Variants in CCDC149 observed in about 807,000 individuals in gnomAD.
CCDC149 encodes the protein coiled-coil domain containing 149, also known as coiled-coil domain-containing protein 149.
A neutral mutation model predicts 59.9 loss-of-function variants in CCDC149; 45 were observed. The observed-to-expected ratio is 0.75, with a 90% confidence interval of 0.59 to 0.96. The LOEUF (loss-of-function observed/expected upper bound fraction) is 0.96. CCDC149 is among the 40% of genes least tolerant of loss of function. The pLI, the probability that CCDC149 is intolerant of heterozygous loss-of-function variation, is 0.00. For synonymous variants in CCDC149, 245 were observed against 260.6 expected (o/e 0.94, Z 0.58); for missense variants, 584 against 664.7 (o/e 0.88, Z 1.33).
downstream of CCDC149, among the ~76,000 whole-genome samples, chr4:24,804,530 C>T (rs1250717420): frequency 6.6e-6 from 1 of 150,748 alleles, no homozygotes; most frequent in Non-Finnish European, 1.5e-5. Context: ...ACCAAGTCAT[C>T]CACAAGGCTG....
chr4:24,873,901 G>C (rs1181993052), intron 2 of CCDC149, among the ~76,000 whole-genome samples, 182 bp from the exon 3 acceptor site: 1 of 146,346 alleles, frequency 6.8e-6, no homozygotes, highest in African/African-American at 2.5e-5. Flanking sequence ...CTGAACCAGA[G>C]TTATTTTGGA....
rs145590128 is a variant in CCDC149, at chr4:24,842,543, G to A, written c.373-4271C>T. 4.1e-4 allele frequency among the ~76,000 whole-genome samples: 63 copies of A among 152,290 alleles called. No homozygotes were observed. The East Asian group carries it at 6.8e-3, about 16-fold the overall frequency. ...GATCAGTGCCTTGCACAGCACCCGC[G>A]CCGCCACCAATAGACGCATTCAGTT... is the stretch of plus-strand genomic sequence containing the variant. On this transcript the variant is annotated intron_variant, in intron 4 of 12. Coordinates refer to ENST00000635206, the MANE Select transcript of CCDC149 (RefSeq NM_001330643.2).
chr4:24,890,960 G>A (rs550098405), intron 1 of CCDC149, among the ~76,000 whole-genome samples: 8 of 152,326 alleles, frequency 5.3e-5, no homozygotes, highest in Non-Finnish European at 1.0e-4. Context: ...CAGAGTCATC[G>A]CTAAAGGGCC....
At chr4:24,962,841 A>C (rs1723678022) in intron 1 of CCDC149, among the ~76,000 whole-genome samples, 1 of 152,016 alleles carries the variant, frequency 6.6e-6, no homozygotes. Flanking sequence ...TATGCAACAA[A>C]CCTGCATGTT....
At chr4:24,811,192 G>A (rs1371220688) in intron 12 of CCDC149, among the ~76,000 whole-genome samples, 1 of 152,148 alleles carries the variant, frequency 6.6e-6, no homozygotes, top group East Asian at 1.9e-4. Flanking sequence ...AACATGTGCT[G>A]TATTCCTATT....
intron 12 of CCDC149, among the ~76,000 whole-genome samples, chr4:24,816,750 C>A (rs533182046): frequency 6.6e-6 from 1 of 152,040 alleles, no homozygotes; most frequent in Non-Finnish European, 1.5e-5. Flanking sequence ...CGGCTACAAA[C>A]GCATTATGAC....
chr4:24,948,925 A>G (rs574446595), intron 1 of CCDC149, among the ~76,000 whole-genome samples: 3 of 152,318 alleles, frequency 2.0e-5, no homozygotes, highest in East Asian at 1.9e-4. Context: ...GCCATCCACT[A>G]TGTAAGATGT....
intron 1 of CCDC149, among the ~76,000 whole-genome samples, chr4:24,970,665 C>G (rs557565671): frequency 6.6e-6 from 1 of 152,248 alleles, no homozygotes; most frequent in South Asian, 2.1e-4. Flanking sequence ...TTTGTGCCCC[C>G]TGGCAGTCTA....
intron 1 of CCDC149, among the ~76,000 whole-genome samples, chr4:24,886,320 G>A (rs1720174878): frequency 6.6e-6 from 1 of 152,208 alleles, no homozygotes; most frequent in South Asian, 2.1e-4. Context: ...TCTTGTTGCA[G>A]GAAAGGTTGT....
intron 1 of CCDC149, among the ~76,000 whole-genome samples, chr4:24,946,285 A>G (rs1723107489): frequency 6.6e-6 from 1 of 152,076 alleles, no homozygotes; most frequent in Admixed American, 6.5e-5. Flanking sequence ...AGCCTCCTTG[A>G]GATTTTGTGA....
At chr4:24,813,528 A>ATATATATATATATATAT (rs1560197749) in intron 12 of CCDC149, among the ~76,000 whole-genome samples, 3 of 129,842 alleles carry the variant, frequency 2.3e-5, no homozygotes, top group African/African-American at 5.5e-5. Context: ...ATATATATAT[A>ATATATATATATATATAT]AAACCTAAAA....
intron 9 of CCDC149, among the ~76,000 whole-genome samples, chr4:24,824,225 C>G (rs892539107): frequency 1.3e-5 from 2 of 152,194 alleles, no homozygotes; most frequent in African/African-American, 4.8e-5. Context: ...AGAAATGGAA[C>G]GAAGTGAATT....
chr4:24,805,147 G>T (rs1714087125), downstream of CCDC149, among the ~76,000 whole-genome samples: 1 of 152,176 alleles, frequency 6.6e-6, no homozygotes, highest in Non-Finnish European at 1.5e-5. Context: ...AGGCTCTCAG[G>T]CACAGAGCGA....
At chr4:24,824,922 A>T (rs1292034912) in intron 9 of CCDC149, among the ~76,000 whole-genome samples, 2 of 152,246 alleles carry the variant, frequency 1.3e-5, no homozygotes, top group African/African-American at 4.8e-5. Context: ...TGCAAAATAC[A>T]AGCCACAATG....
intron 3 of CCDC149, 51 bp downstream of exon 3, chr4:24,873,629 CA>C: frequency 8.5e-7 from 1 of 1,180,304 alleles, no homozygotes; most frequent in South Asian, 1.2e-5. Flanking sequence ...CTGATCCTCC[CA>C]ATTGCTGCTA....
At chr4:24,904,710 T>A (rs868360406) in intron 1 of CCDC149, among the ~76,000 whole-genome samples, 4 of 152,372 alleles carry the variant, frequency 2.6e-5, no homozygotes, top group African/African-American at 9.6e-5. Flanking sequence ...ATGAGTTTTG[T>A]AACTTGTTGC....
chr4:24,824,055 T>C (rs1315925564), intron 9 of CCDC149, among the ~76,000 whole-genome samples: 3 of 152,222 alleles, frequency 2.0e-5, no homozygotes, highest in Non-Finnish European at 4.4e-5. Context: ...CTTAACGAGA[T>C]CAGATCATCT....
chr4:24,893,674 C>T (rs112848630), intron 1 of CCDC149, among the ~76,000 whole-genome samples: 3,761 of 115,918 alleles, frequency 0.032, 161 homozygotes, highest in Admixed American at 0.12. Flanking sequence ...TGGAGTGGAA[C>T]GGGGCAATCT....
intron 1 of CCDC149, among the ~76,000 whole-genome samples, chr4:24,900,315 C>T (rs1443966615): frequency 6.6e-6 from 1 of 152,210 alleles, no homozygotes; most frequent in Non-Finnish European, 1.5e-5. Context: ...TTCACATCAA[C>T]CAGCCAACCC....
Sources: gnomAD v4.1 joint callset for allele counts (sites outside exome capture counted in the v4.1 genomes callset) on GRCh38, gnomAD v4.1.1 for gene constraint, MANE v1.5 for transcripts, NCBI Gene and HGNC (gene_info 2026-07-23, HGNC 2026-07-21) for gene names.